LARP4B: variants seen among roughly 807,000 people sequenced by gnomAD.
The protein encoded by LARP4B is la-related protein 4B.
LARP4B carries 12 observed loss-of-function variants against 89.8 expected under a neutral mutation model. The observed-to-expected ratio is 0.13, with a 90% CI of 0.09 to 0.22. LARP4B has a LOEUF of 0.22. LARP4B is among the 10% of genes least tolerant of loss of function. The pLI, the probability that LARP4B is intolerant of heterozygous loss-of-function variation, is 1.00. For synonymous variants in LARP4B, 367 were observed against 363.3 expected (o/e 1.01, Z -0.12); for missense variants, 757 against 947.7 (o/e 0.80, Z 2.64).
At chr10:826,266 C>A (rs1466112589) in intron 11 of LARP4B, among the ~76,000 whole-genome samples, 1 of 152,228 alleles carries the variant, frequency 6.6e-6, no homozygotes, top group Non-Finnish European at 1.5e-5. Context: ...TCAACATTCT[C>A]AATCTTAGGA....
At chr10:981,866 A>G in the LARP4B span, among the ~76,000 whole-genome samples, 1 of 151,962 alleles carries the variant, frequency 6.6e-6, no homozygotes, top group Admixed American at 6.6e-5. Context: ...GCACCCAGCC[A>G]TGTACTGTTT....
At position 831,801 on chromosome 10, in the gene LARP4B, A is replaced by C. The variant is rs1832918841; in HGVS notation, c.751-824T>G. ...TTCAAAACAAAGCTCAAGAATATTT[A>C]TTAGAATACAAAAATATTCAGTAAA... On this transcript the variant is annotated intron_variant, in intron 8 of 17. Transcript: ENST00000316157. Among the ~76,000 whole-genome samples, 5 of 152,252 alleles carry C rather than the reference A, an allele frequency of 3.3e-5. No individual in the cohort carries two copies. The South Asian group carries it at 1.0e-3, about 31-fold the overall frequency.
At chr10:915,646 TACAA>T (rs1224180979) in intron 1 of LARP4B, among the ~76,000 whole-genome samples, 1 of 151,864 alleles carries the variant, frequency 6.6e-6, no homozygotes, top group African/African-American at 2.4e-5. Context: ...CTACTAAAAA[TACAA>T]ACAATTAGCT....
At chr10:939,753 A>C in the LARP4B span, among the ~76,000 whole-genome samples, 1 of 152,228 alleles carries the variant, frequency 6.6e-6, no homozygotes. Context: ...TGGATGTTTC[A>C]GGAAGAGGCT....
chr10:943,972 A>C, the LARP4B span, among the ~76,000 whole-genome samples: 1 of 152,144 alleles, frequency 6.6e-6, no homozygotes, highest in African/African-American at 2.4e-5. Flanking sequence ...GCTGCAGAAA[A>C]TACGGAAGAA....
At position 895,406 on chromosome 10, in the gene LARP4B, A is replaced by G. The variant is rs372460478; in HGVS notation, c.-39-9646T>C. On this transcript the variant is annotated intron_variant, in intron 1 of 17. Coordinates refer to ENST00000316157, the MANE Select transcript of LARP4B (RefSeq NM_015155.3). ...AGCAGCTTAGAAAAAAAAAAATCCC[A>G]TGGAAATAAAAACGCAGAAAGTAGG... Among the ~76,000 whole-genome samples the G allele has an allele frequency of 2.0e-5, 3 of 152,010 alleles. No homozygotes were observed. The East Asian group carries it at 5.8e-4, about 29-fold the overall frequency.
chr10:942,579 C>G, the LARP4B span: 1 of 152,154 alleles, frequency 6.6e-6, no homozygotes, highest in Non-Finnish European at 1.5e-5. Flanking sequence ...GTTAATATAT[C>G]TCACTTTTAG....
chr10:817,906 C>A lies in LARP4B; in HGVS notation c.1531-17G>T, dbSNP rs373124988. Reference sequence around the variant, plus strand: ...CTGGCTGCTCTGCAACAGAATGACACCCCAGGGTCACGGTATGGAGAGAGA... The same window carrying A: ...CTGGCTGCTCTGCAACAGAATGACAACCCAGGGTCACGGTATGGAGAGAGA... On this transcript the variant is annotated splice_polypyrimidine_tract_variant and intron_variant, in intron 14 of 17. Transcript: ENST00000316157. 2.5e-6 allele frequency: 4 copies of A among 1,608,416 alleles called. No individual in the cohort carries two copies. The highest frequency in any genetic ancestry group is 3.4e-6 in the Non-Finnish European group (4 of 1,175,768).
rs1481749669 is a variant in LARP4B, at chr10:865,232, C to CA, written c.142-963dup. Among the ~76,000 whole-genome samples the CA allele has an allele frequency of 2.0e-5, 3 of 152,180 alleles. No homozygotes were observed. In the East Asian group the frequency reaches 5.8e-4, roughly 29 times the overall value. On this transcript the variant is annotated intron_variant, in intron 3 of 17. Transcript: ENST00000316157. Reference sequence around the variant, plus strand: ...TGTTCTGGACAACGGACTCTCAGATCACTGGGGCTGAGGCCAAAGCTGCCA... The same window carrying CA: ...TGTTCTGGACAACGGACTCTCAGATCAACTGGGGCTGAGGCCAAAGCTGCCA...
intron 1 of LARP4B, among the ~76,000 whole-genome samples, chr10:900,252 C>T (rs1158028718): frequency 1.3e-5 from 2 of 152,046 alleles, no homozygotes; most frequent in East Asian, 3.9e-4. Flanking sequence ...GAGGCTGAGG[C>T]AGGAGAATTG....
At chr10:951,384 A>G in the LARP4B span, among the ~76,000 whole-genome samples, 3 of 152,036 alleles carry the variant, frequency 2.0e-5, no homozygotes, top group Non-Finnish European at 2.9e-5. Flanking sequence ...CCCCGTCTCT[A>G]CTAAAATACA....
chr10:843,629 G>A (rs1833635813), intron 6 of LARP4B, among the ~76,000 whole-genome samples: 1 of 152,148 alleles, frequency 6.6e-6, no homozygotes, highest in Non-Finnish European at 1.5e-5. Flanking sequence ...AACCCGAGAG[G>A]TGGAGGTTAC....
chr10:825,566 G>GC (rs1304286137), intron 12 of LARP4B, among the ~76,000 whole-genome samples, 198 bp downstream of exon 12: 3 of 152,330 alleles, frequency 2.0e-5, no homozygotes, highest in Non-Finnish European at 2.9e-5. Flanking sequence ...TGTACAAGTT[G>GC]CCCCAAAGCC....
In LARP4B at chr10:811,519, T is replaced by G. The variant is rs1286044365; in HGVS notation, c.*1407A>C. On this transcript the variant is annotated 3_prime_UTR_variant, in exon 18 of 18. Transcript: ENST00000316157. ...ACTCAGTAAAACTAGCGACAGGAGA[T>G]CCACGCAGTAACTGAGTAACTCTGA... The G allele has an allele frequency of 6.6e-6, 1 of 152,648 alleles. No homozygotes were observed. The highest frequency in any genetic ancestry group is 6.5e-5 in the Admixed American group (1 of 15,276). 9.5% of individuals were successfully genotyped at this position (152,648 alleles called of 1,614,324 possible).
At chr10:904,627 A>C (rs577907769) in intron 1 of LARP4B, among the ~76,000 whole-genome samples, 1 of 152,316 alleles carries the variant, frequency 6.6e-6, no homozygotes, top group East Asian at 1.9e-4. Context: ...AAAATACATA[A>C]AACACAGTGT....
At chr10:985,549 G>A in the LARP4B span, 1 of 152,214 alleles carries the variant, frequency 6.6e-6, no homozygotes, top group Non-Finnish European at 1.5e-5. Context: ...GTGTAATTCT[G>A]CAGAGAATGT....
chr10:875,037 CA>C (rs1187417861), intron 3 of LARP4B, among the ~76,000 whole-genome samples: 1 of 152,116 alleles, frequency 6.6e-6, no homozygotes, highest in Non-Finnish European at 1.5e-5. Context: ...CTTCGAATGA[CA>C]AAACAAAACT....
intron 7 of LARP4B, among the ~76,000 whole-genome samples, chr10:839,170 T>C (rs1194351391): frequency 6.6e-6 from 1 of 152,202 alleles, no homozygotes; most frequent in Non-Finnish European, 1.5e-5. Context: ...CCCTGTATGA[T>C]ACTGTAATGG....
At chr10:896,737 A>G (rs1836200616) in intron 1 of LARP4B, among the ~76,000 whole-genome samples, 1 of 152,234 alleles carries the variant, frequency 6.6e-6, no homozygotes, top group African/African-American at 2.4e-5. Flanking sequence ...AGGCATCTTC[A>G]GTAATGTTTA....
Sources: allele counts gnomAD v4.1 joint callset (sites outside exome capture counted in the v4.1 genomes callset), GRCh38; gene constraint gnomAD v4.1.1; transcripts MANE v1.5; gene names NCBI Gene and HGNC (gene_info 2026-07-23, HGNC 2026-07-21).